KCNIP4: variants seen among roughly 807,000 people sequenced by gnomAD.
KCNIP4 encodes the protein potassium voltage-gated channel interacting protein 4.
A neutral mutation model predicts 34.0 loss-of-function variants in KCNIP4; 12 were observed. That is an observed-to-expected ratio of 0.35 (90% CI 0.23 to 0.57). The LOEUF (loss-of-function observed/expected upper bound fraction) is 0.57. Ranked by LOEUF, KCNIP4 falls within the 20% of genes least tolerant of loss-of-function variation. KCNIP4 has a pLI of 0.83. For synonymous variants in KCNIP4, 124 were observed against 102.2 expected (o/e 1.21, Z -1.29); for missense variants, 238 against 311.7 (o/e 0.76, Z 1.78).
chr4:21,202,415 C>T (rs1301957743), intron 1 of KCNIP4, among the ~76,000 whole-genome samples: 1 of 152,122 alleles, frequency 6.6e-6, no homozygotes, highest in Non-Finnish European at 1.5e-5. Flanking sequence ...ACAATAGGCA[C>T]TGAGGAATAC....
chr4:20,860,597 T>C (rs1722092842), intron 2 of KCNIP4, among the ~76,000 whole-genome samples: 1 of 152,224 alleles, frequency 6.6e-6, no homozygotes, highest in Non-Finnish European at 1.5e-5. Flanking sequence ...TTTATCTCAT[T>C]GATAAAAATA....
chr4:21,134,006 C>T (rs1751305512), intron 1 of KCNIP4, among the ~76,000 whole-genome samples: 2 of 152,290 alleles, frequency 1.3e-5, no homozygotes, highest in Middle Eastern at 3.4e-3. Flanking sequence ...TGCTTGGACA[C>T]TAGTTTCCTT....
intron 1 of KCNIP4, among the ~76,000 whole-genome samples, chr4:21,144,120 A>C (rs550742560): frequency 2.0e-4 from 30 of 152,152 alleles, no homozygotes; most frequent in Non-Finnish European, 3.7e-4. Flanking sequence ...CTATAGATAC[A>C]CACATGAATT....
intron 1 of KCNIP4, chr4:21,844,667 T>C (rs1001276273): frequency 6.6e-6 from 1 of 152,074 alleles, no homozygotes; most frequent in Non-Finnish European, 1.5e-5. Context: ...GTTTTCAGAA[T>C]TTACATGGGT....
At chr4:21,933,448 A>C (rs1729687385) in intron 1 of KCNIP4, among the ~76,000 whole-genome samples, 1 of 151,988 alleles carries the variant, frequency 6.6e-6, no homozygotes, top group Admixed American at 6.6e-5. Context: ...TCAAATGTTG[A>C]CCCAATTTCT....
At chr4:21,391,997 C>T (rs1299132943) in intron 1 of KCNIP4, among the ~76,000 whole-genome samples, 2 of 152,140 alleles carry the variant, frequency 1.3e-5, no homozygotes, top group African/African-American at 2.4e-5. Context: ...GTATCATTAA[C>T]TTTTATCACC....
intron 1 of KCNIP4, among the ~76,000 whole-genome samples, chr4:21,204,317 T>G (rs1378718646): frequency 6.6e-6 from 1 of 152,176 alleles, no homozygotes; most frequent in Non-Finnish European, 1.5e-5. Flanking sequence ...TCCCTGGACT[T>G]CCTTGAGACT....
At chr4:21,481,595 T>C (rs113599728) in intron 1 of KCNIP4, among the ~76,000 whole-genome samples, 427 of 152,270 alleles carry the variant, frequency 2.8e-3, no homozygotes, top group African/African-American at 9.5e-3. Context: ...GCTAAAAATG[T>C]GCTTAATGGG....
At chr4:20,857,733 CCTCT>C in intron 2 of KCNIP4, among the ~76,000 whole-genome samples, 1 of 152,176 alleles carries the variant, frequency 6.6e-6, no homozygotes, top group South Asian at 2.1e-4. Context: ...GATAACCTCT[CCTCT>C]CTTATTTTGT....
chr4:21,015,739 TATATA>T (rs1374901555), intron 1 of KCNIP4, among the ~76,000 whole-genome samples: 2 of 135,498 alleles, frequency 1.5e-5, no homozygotes, highest in Admixed American at 8.1e-5. Context: ...AGATATATAT[TATATA>T]ATATGATATA....
chr4:21,445,111 A>G (rs6858733), intron 1 of KCNIP4, among the ~76,000 whole-genome samples: 40,926 of 151,794 alleles, frequency 0.27, 6,496 homozygotes, highest in Non-Finnish European at 0.37. Flanking sequence ...ACCACTGCTC[A>G]GTGAAATAAA....
intron 1 of KCNIP4, among the ~76,000 whole-genome samples, chr4:21,084,753 G>C (rs937163912): frequency 2.7e-5 from 4 of 150,530 alleles, no homozygotes; most frequent in African/African-American, 9.9e-5. Context: ...TCTCTCACTT[G>C]GATGCCTAAA....
In KCNIP4 at chr4:20,749,691, T is replaced by C. The variant is rs750337453; in HGVS notation, c.400A>G (p.Thr134Ala). 6.2e-7 allele frequency: 1 copy of C among 1,609,912 alleles called. No homozygotes were observed. Among genetic ancestry groups the C allele is most frequent in the South Asian group, 1.1e-5 (1 of 90,626 alleles). The change falls in exon 5 of 9, where the codon ACA becomes GCA. Residue 134 changes from threonine (T) to alanine (A), a missense_variant. Transcript: ENST00000382152. Reference sequence around the variant, plus strand: ...AAACTCACAGCTCCATTGTGGTCTGTATCAAATGCATTGAACAGAAAATGT... The same window carrying C: ...AAACTCACAGCTCCATTGTGGTCTGCATCAAATGCATTGAACAGAAAATGT... ...YAHFLFNAFD[T>A]DHNGAVSFED...
intron 1 of KCNIP4, among the ~76,000 whole-genome samples, chr4:21,476,394 T>C (rs1020257162): frequency 1.3e-5 from 2 of 152,106 alleles, no homozygotes; most frequent in African/African-American, 2.4e-5. Flanking sequence ...GACAAGTAAG[T>C]TTAAATTAGG....
intron 1 of KCNIP4, among the ~76,000 whole-genome samples, chr4:21,719,449 T>C (rs187019738): frequency 1.3e-5 from 2 of 152,320 alleles, no homozygotes; most frequent in African/African-American, 4.8e-5. Flanking sequence ...AGGATGAATG[T>C]AAATGTGAAT....
At chr4:21,073,132 C>CT (rs1560696672) in intron 1 of KCNIP4, among the ~76,000 whole-genome samples, 1 of 152,092 alleles carries the variant, frequency 6.6e-6, no homozygotes, top group African/African-American at 2.4e-5. Context: ...AATGTGGGCT[C>CT]TTTTTTGGTT....
intron 1 of KCNIP4, among the ~76,000 whole-genome samples, chr4:21,075,614 T>G (rs1438175507): frequency 6.6e-6 from 1 of 152,230 alleles, no homozygotes; most frequent in East Asian, 1.9e-4. Context: ...CTGTGACTTT[T>G]AAGTGGAGCA....
chr4:21,531,998 C>T (rs1225218099), intron 1 of KCNIP4, among the ~76,000 whole-genome samples: 2 of 151,884 alleles, frequency 1.3e-5, no homozygotes, highest in African/African-American at 2.4e-5. Flanking sequence ...ATTGAGGGTG[C>T]CTTGCTATTT....
At chr4:20,767,657 T>A in intron 3 of KCNIP4, among the ~76,000 whole-genome samples, 1 of 152,220 alleles carries the variant, frequency 6.6e-6, no homozygotes, top group East Asian at 1.9e-4. Context: ...CATATAATTA[T>A]AATATTGTCC....
Sources: allele counts gnomAD v4.1 joint callset (sites outside exome capture counted in the v4.1 genomes callset), GRCh38; gene constraint gnomAD v4.1.1; transcripts MANE v1.5; gene names NCBI Gene and HGNC (gene_info 2026-07-23, HGNC 2026-07-21).